C6orf58: variants seen among roughly 807,000 people sequenced by gnomAD.
C6orf58 encodes chromosome 6 open reading frame 58.
C6orf58 carries 30 observed loss-of-function variants against 37.0 expected under a neutral mutation model. That is an observed-to-expected ratio of 0.81 (90% CI 0.61 to 1.10). The LOEUF (loss-of-function observed/expected upper bound fraction) is 1.10. C6orf58 is among the 50% of genes least tolerant of loss of function. The pLI is 0.00. For synonymous variants in C6orf58, 143 were observed against 134.1 expected (o/e 1.07, Z -0.46); for missense variants, 368 against 387.5 (o/e 0.95, Z 0.42).
Position 127,591,190 on chromosome 6 carries a change from C to A in C6orf58, c.914-353C>A, listed in dbSNP as rs530033899. 3.2e-4 allele frequency among the ~76,000 whole-genome samples: 49 copies of A among 151,970 alleles called. 2 individuals are homozygous for A. The highest frequency in any genetic ancestry group is 1.2e-3 in the African/African-American group (49 of 41,446). On this transcript the variant is annotated intron_variant, in intron 5 of 5. Coordinates refer to ENST00000329722, the MANE Select transcript of C6orf58 (RefSeq NM_001010905.3). The stretch of plus-strand genomic sequence containing the variant: ...GAAAATTTTTCTTGGAGCTTTTTCC[C>A]AAAAATGAGTTGATCCAATTTATTC...
At chr6:127,588,378 G>A (rs983551633) in intron 4 of C6orf58, among the ~76,000 whole-genome samples, 3 of 152,206 alleles carry the variant, frequency 2.0e-5, no homozygotes, top group Admixed American at 6.5e-5. Context: ...AGACAGAATT[G>A]TAGGGATTGG....
chr6:127,589,989 T>C, intron 4 of C6orf58, 98 bp from the exon 5 acceptor site: 1 of 762,416 alleles, frequency 1.3e-6, no homozygotes, highest in Non-Finnish European at 2.2e-6. Context: ...AAATTATGAA[T>C]TTAGTTTGTT....
At chr6:127,580,529 A>G in intron 3 of C6orf58, 80 bp downstream of exon 3, 4 of 1,050,784 alleles carry the variant, frequency 3.8e-6, no homozygotes, top group Non-Finnish European at 5.7e-6. Flanking sequence ...TTTGTGCATT[A>G]CATAATATTT....
At chr6:127,588,809 A>C (rs1775132045) in intron 4 of C6orf58, among the ~76,000 whole-genome samples, 1 of 152,154 alleles carries the variant, frequency 6.6e-6, no homozygotes, top group South Asian at 2.1e-4. Context: ...TGTTTAGTAC[A>C]TTGTTACTAG....
At chr6:127,578,603 C>A in intron 1 of C6orf58, 83 bp from the exon 2 acceptor site, 4 of 863,242 alleles carry the variant, frequency 4.6e-6, no homozygotes, top group East Asian at 2.6e-5. Context: ...TATCTACAAA[C>A]AAAATCTATG....
intron 4 of C6orf58, among the ~76,000 whole-genome samples, chr6:127,584,992 T>C (rs2114296470): frequency 6.6e-6 from 1 of 152,314 alleles, no homozygotes; most frequent in African/African-American, 2.4e-5. Flanking sequence ...CTACTTGATG[T>C]TGGGTTAGAA....
At chr6:127,590,831 G>GT (rs1775154958) in intron 5 of C6orf58, among the ~76,000 whole-genome samples, 1 of 151,840 alleles carries the variant, frequency 6.6e-6, no homozygotes, top group Non-Finnish European at 1.5e-5. Context: ...TTCTAGTGAG[G>GT]TAAAAAAAAC....
chr6:127,587,631 A>C (rs556023723), intron 4 of C6orf58, among the ~76,000 whole-genome samples: 45 of 152,350 alleles, frequency 3.0e-4, no homozygotes, highest in African/African-American at 1.0e-3. Flanking sequence ...AATAATGTAC[A>C]AATTAAGATG....
chr6:127,580,675 A>G lies in C6orf58; in HGVS notation c.573+226A>G, dbSNP rs531412573. Among the ~76,000 whole-genome samples the G allele has an allele frequency of 3.9e-5, 6 of 152,236 alleles. No individual in the cohort carries two copies. In the South Asian group the frequency reaches 1.0e-3, roughly 26 times the overall value. Reference sequence around the variant, plus strand: ...CCATTCTTCTTGCCTCAAATACATTATACAAAAATGGTGAGCATACAGGAT... The same window carrying G: ...CCATTCTTCTTGCCTCAAATACATTGTACAAAAATGGTGAGCATACAGGAT... On this transcript the variant is annotated intron_variant, in intron 3 of 5. Transcript: ENST00000329722.
chr6:127,582,516 A>G (rs1481041545), intron 4 of C6orf58, among the ~76,000 whole-genome samples: 1 of 152,210 alleles, frequency 6.6e-6, no homozygotes, highest in Non-Finnish European at 1.5e-5. Flanking sequence ...AGGTAGTCCA[A>G]AGCAATCCGG....
In C6orf58 at chr6:127,580,249, T is replaced by C. The variant is rs748381586; in HGVS notation, c.389-16T>C. 1 of 1,593,056 alleles carries C rather than the reference T, an allele frequency of 6.3e-7. No homozygotes were observed. The highest frequency in any genetic ancestry group is 8.6e-7 in the Non-Finnish European group (1 of 1,164,470). ...TGTTAGTGCTTGTAGTAATAGTAAA[T>C]CTTTTGTTCTTACAGATTTGAATTA... On this transcript the variant is annotated splice_polypyrimidine_tract_variant and intron_variant, in intron 2 of 5. Transcript: ENST00000329722.
rs147844108 is a variant in C6orf58, at chr6:127,583,137, C to T, written c.674+1855C>T. 3.9e-5 allele frequency among the ~76,000 whole-genome samples: 6 copies of T among 152,262 alleles called. No individual in the cohort carries two copies. The East Asian group carries it at 1.2e-3, about 29-fold the overall frequency. On this transcript the variant is annotated intron_variant, in intron 4 of 5. Transcript: ENST00000329722. ...TCTGGCTTAATTTAATTACCATACT[C>T]TCATTATAGGTTTTGCCTACTGTTA...
chr6:127,589,377 G>A (rs988348692), intron 4 of C6orf58, among the ~76,000 whole-genome samples: 1 of 152,170 alleles, frequency 6.6e-6, no homozygotes. Flanking sequence ...ACTACAAGTT[G>A]TTTAGCATGC....
chr6:127,577,455 G>C lies in C6orf58; in HGVS notation c.270G>C (p.Leu90Phe), dbSNP rs1392376436. Residue 90 changes from leucine (L) to phenylalanine (F), a missense_variant, in exon 1 of 6, where the codon TTG becomes TTC. Leu to Phe is a conservative substitution (Grantham distance 22). Transcript: ENST00000329722. ...PDNEQNILWG[L>F]PLQYGWQYRT... ...ATGAACAGAATATTTTATGGGGGTT[G>C]CCTCTGCAGTATGGCTGGCAATATA... 6.2e-7 allele frequency: 1 copy of C among 1,613,520 alleles called. No homozygotes were observed. The highest frequency in any genetic ancestry group is 8.5e-7 in the Non-Finnish European group (1 of 1,179,650).
intron 4 of C6orf58, 51 bp downstream of exon 4, chr6:127,581,333 G>T (rs765403866): frequency 2.3e-5 from 18 of 797,064 alleles, no homozygotes; most frequent in Non-Finnish European, 1.7e-5. Flanking sequence ...AATAATTTTG[G>T]GCATTATTTA....
In C6orf58 at chr6:127,580,312, T is replaced by G. The variant is rs1775035313; in HGVS notation, c.436T>G (p.Ser146Ala). 4 of 1,612,868 alleles carry G rather than the reference T, an allele frequency of 2.5e-6. No homozygotes were observed. The South Asian group carries it at 4.4e-5, about 18-fold the overall frequency. The change falls in exon 3 of 6, where the codon TCT becomes GCT. Residue 146 changes from serine (S) to alanine (A), a missense_variant. Ser to Ala is a moderately conservative substitution (Grantham distance 99, BLOSUM62 1). Transcript: ENST00000329722. ...ATTACCCTTTCTTGCTGCGGTTGAT[T>G]CTGGTGTAATGGGGATATCATCAGA... ...SSLPFLAAVD[S>A]GVMGISSDQV...
intron 4 of C6orf58, among the ~76,000 whole-genome samples, chr6:127,586,809 C>T (rs1775112193): frequency 6.6e-6 from 1 of 152,206 alleles, no homozygotes; most frequent in Admixed American, 6.5e-5. Flanking sequence ...CACTTATATC[C>T]TGTTTCCAAG....
Position 127,580,315 on chromosome 6 carries a change from G to A in C6orf58, c.439G>A (p.Gly147Ser). The part of the protein sequence containing the change: ...SLPFLAAVDS[G>S]VMGISSDQVR... Reference sequence around the variant, plus strand: ...ACCCTTTCTTGCTGCGGTTGATTCTGGTGTAATGGGGATATCATCAGACCA... The same window carrying A: ...ACCCTTTCTTGCTGCGGTTGATTCTAGTGTAATGGGGATATCATCAGACCA... Residue 147 changes from glycine (G) to serine (S), a missense_variant, in exon 3 of 6, where the codon GGT becomes AGT. Gly to Ser is a moderately conservative substitution (Grantham distance 56). Coordinates refer to ENST00000329722, the MANE Select transcript of C6orf58 (RefSeq NM_001010905.3). 1 of 1,612,716 alleles carries A rather than the reference G, an allele frequency of 6.2e-7. No homozygotes were observed. Among genetic ancestry groups the A allele is most frequent in the Non-Finnish European group, 8.5e-7 (1 of 1,179,136 alleles).
intron 4 of C6orf58, among the ~76,000 whole-genome samples, chr6:127,589,855 A>G (rs930644439): frequency 6.6e-5 from 10 of 152,168 alleles, no homozygotes; most frequent in African/African-American, 2.4e-4. Context: ...ATAAAATGCA[A>G]TGTAAAATGT....
Sources: gnomAD v4.1 joint callset for allele counts (sites outside exome capture counted in the v4.1 genomes callset) on GRCh38, gnomAD v4.1.1 for gene constraint, MANE v1.5 for transcripts, NCBI Gene and HGNC (gene_info 2026-07-23, HGNC 2026-07-21) for gene names.